Variants in INTS1 observed in about 807,000 individuals in gnomAD.
INTS1 encodes the protein integrator complex subunit 1.
Under a neutral mutation model 241.6 loss-of-function variants are expected in INTS1, and 137 were observed. The ratio of observed to expected loss-of-function variants is 0.57; its 90% CI spans 0.49 to 0.65. INTS1 has a LOEUF of 0.65. Among genes scored for constraint, INTS1 ranks in the 30% least tolerant of loss-of-function variants. The pLI is 0.00. For synonymous variants in INTS1, 1,692 were observed against 1,337.8 expected (o/e 1.26, Z -5.78); for missense variants, 3,073 against 3,032.2 (o/e 1.01, Z -0.32).
At chr7:1,494,153 TAC>T (rs1389569831) in intron 14 of INTS1, among the ~76,000 whole-genome samples, 3 of 152,252 alleles carry the variant, frequency 2.0e-5, no homozygotes, top group South Asian at 2.1e-4. Context: ...CCTTTGGGGA[TAC>T]ACACACAGTC....
Position 1,499,241 on chromosome 7 carries a change from A to T in INTS1, c.950+14T>A, listed in dbSNP as rs750005. 1.8e-5 allele frequency: 29 copies of T among 1,607,758 alleles called. No homozygotes were observed. The highest frequency in any genetic ancestry group is 2.2e-5 in the Non-Finnish European group (26 of 1,178,550). On this transcript the variant is annotated intron_variant, in intron 7 of 47. Transcript: ENST00000404767. ...CCGCCGCCCCCAACTGGGACCGGGCAGGCACGCAGCTACCTGGGCATGAGC... is the reference window on the plus strand; with the variant it reads ...CCGCCGCCCCCAACTGGGACCGGGCTGGCACGCAGCTACCTGGGCATGAGC...
rs1781456497 is a variant in INTS1, at chr7:1,471,279, G to A, written c.6256-55C>T. 31 of 1,505,928 alleles carry A rather than the reference G, an allele frequency of 2.1e-5. No individual in the cohort carries two copies. The South Asian group carries it at 3.7e-4, about 18-fold the overall frequency. 93.3% of individuals were successfully genotyped at this position (1,505,928 alleles called of 1,614,324 possible). On this transcript the variant is annotated intron_variant, in intron 45 of 47. Coordinates refer to ENST00000404767, the MANE Select transcript of INTS1 (RefSeq NM_001080453.3). ...ACCAAGGGGTCCAGCCCCCATCAAG[G>A]CCCCTTCACCTCTTGGTCTCGTGAT...
At chr7:1,473,790 C>G in intron 41 of INTS1, 97 bp from the exon 42 acceptor site, 1 of 1,483,240 alleles carries the variant, frequency 6.7e-7, no homozygotes, top group Non-Finnish European at 9.2e-7. Flanking sequence ...GGGCATGGAC[C>G]CCACAGCCAA....
At chr7:1,495,909 T>C (rs1259095410) in intron 12 of INTS1, among the ~76,000 whole-genome samples, 2 of 152,154 alleles carry the variant, frequency 1.3e-5, no homozygotes, top group Non-Finnish European at 2.9e-5. Context: ...AATGCCCCCA[T>C]GCTGGGCCAG....
chr7:1,491,140 G>A (rs971309807), intron 16 of INTS1, among the ~76,000 whole-genome samples: 4 of 152,242 alleles, frequency 2.6e-5, no homozygotes, highest in African/African-American at 7.2e-5. Context: ...AAAACGGGAG[G>A]AGGGCTTCGG....
Position 1,473,183 on chromosome 7 carries a change from C to T in INTS1, c.5959G>A (p.Asp1987Asn), listed in dbSNP as rs533859826. 35 of 1,606,740 alleles carry T rather than the reference C, an allele frequency of 2.2e-5. No individual in the cohort carries two copies. Among genetic ancestry groups the T allele is most frequent in the African/African-American group, 1.1e-4 (8 of 74,910 alleles). ...AGGTCACTGTTGTCGAAGGACAGGT[C>T]GCTGGGGAGAGAAGATGCTTTCACC... Reference protein sequence around the residue: ...FLQKHADPLHDLSFDNSDLVM... With the variant: ...FLQKHADPLHNLSFDNSDLVM... The change falls in exon 43 of 48, where the codon GAC (aspartate) becomes AAC (asparagine). Residue 1987 changes from aspartate to asparagine, a missense_variant and splice_region_variant. Transcript: ENST00000404767.
rs759082958 is a variant in INTS1, at chr7:1,494,820, G to A, written c.1906C>T (p.Arg636Cys). The A allele has an allele frequency of 1.2e-5, 19 of 1,562,726 alleles. No individual in the cohort carries two copies. The highest frequency in any genetic ancestry group is 2.4e-5 in the South Asian group (2 of 84,700). Reference protein sequence around the residue: ...KWDNWPPESDRNFFLRLCSEV... With the variant: ...KWDNWPPESDCNFFLRLCSEV... Reference sequence around the variant, plus strand: ...CCCAGGCGGCAGCGCACTCACTTGCGGTCACTCTCGGGTGGCCAGTTGTCC... The same window carrying A: ...CCCAGGCGGCAGCGCACTCACTTGCAGTCACTCTCGGGTGGCCAGTTGTCC... Residue 636 changes from arginine (R) to cysteine (C), a missense_variant, in exon 14 of 48, where the codon CGC becomes TGC. Physicochemically the swap from Arg to Cys is radical, Grantham distance 180. Coordinates refer to ENST00000404767, the MANE Select transcript of INTS1 (RefSeq NM_001080453.3).
rs192053820 is a variant in INTS1 at position 1,484,866 on chromosome 7, T to A, written c.3261+232A>T. ...GGCCCTCCCACCCTCAATGCCTCCC[T>A]GTGGCCCAAGAAGCCGCCAGCCCAG... On this transcript the variant is annotated intron_variant, in intron 24 of 47. Coordinates refer to ENST00000404767, the MANE Select transcript of INTS1 (RefSeq NM_001080453.3). Among the ~76,000 whole-genome samples the A allele has an allele frequency of 1.1e-3, 160 of 152,256 alleles. 1 individual carries two copies. Among genetic ancestry groups the A allele is most frequent in the African/African-American group, 3.6e-3 (149 of 41,540 alleles).
Position 1,472,288 on chromosome 7 carries a change from C to A in INTS1, c.6169G>T (p.Gly2057Cys). 2.6e-6 allele frequency: 4 copies of A among 1,555,896 alleles called. No homozygotes were observed. The highest frequency in any genetic ancestry group is 2.6e-6 in the Non-Finnish European group (3 of 1,150,166). Residue 2057 changes from glycine (G) to cysteine (C), a missense_variant, in exon 44 of 48, where the codon GGC becomes TGC. Transcript: ENST00000404767. ...MAPYMKRLSR[G>C]QTVEDLLEVL... The stretch of plus-strand genomic sequence containing the variant: ...CCTGACTCACCCTCCACCGTTTGGC[C>A]CCGGGAAAGCCGTTTCATGTAGGGG...
intron 12 of INTS1, 90 bp downstream of exon 12, chr7:1,496,066 A>T: frequency 1.0e-6 from 1 of 977,472 alleles, no homozygotes; most frequent in Non-Finnish European, 1.6e-6. Flanking sequence ...CCGGGCGCTC[A>T]GGGGACAGTG....
intron 16 of INTS1, among the ~76,000 whole-genome samples, chr7:1,491,716 T>C (rs1782555720): frequency 6.6e-6 from 1 of 152,082 alleles, no homozygotes; most frequent in Non-Finnish European, 1.5e-5. Context: ...GCCTGGGCAA[T>C]AAAGTGAGGC....
In INTS1 at chr7:1,487,262, G is replaced by A. The variant is rs917964152; in HGVS notation, c.2646+58C>T. 1.9e-5 allele frequency: 29 copies of A among 1,545,820 alleles called. No homozygotes were observed. In the Middle Eastern group the frequency reaches 5.0e-4, roughly 27 times the overall value. On this transcript the variant is annotated intron_variant, in intron 20 of 47. Coordinates refer to ENST00000404767, the MANE Select transcript of INTS1 (RefSeq NM_001080453.3). Reference sequence around the variant, plus strand: ...CCCTCTTCTGGCCACCAAGGCCTCCGGAAGGTTCCGGGCCTCCCAAGACCA... The same window carrying A: ...CCCTCTTCTGGCCACCAAGGCCTCCAGAAGGTTCCGGGCCTCCCAAGACCA...
chr7:1,488,028 G>C, intron 18 of INTS1, 71 bp from the exon 19 acceptor site: 1 of 1,509,720 alleles, frequency 6.6e-7, no homozygotes, highest in Non-Finnish European at 9.2e-7. Flanking sequence ...CCACGCTCAG[G>C]GTCAAGGAGG....
rs557803848 is a variant in INTS1 at position 1,498,286 on chromosome 7, C to A, written c.1425+126G>T. The stretch of plus-strand genomic sequence containing the variant: ...CACGTGAGTTTCAAAAGCTCCTTCC[C>A]GAGACCGAGGAGCATTCTCCCACGA... On this transcript the variant is annotated intron_variant, in intron 10 of 47. Transcript: ENST00000404767. 4.2e-6 allele frequency: 6 copies of A among 1,430,160 alleles called. No homozygotes were observed. The East Asian group carries it at 1.5e-4, about 36-fold the overall frequency. The allele number at this position is 1,430,160 out of a possible 1,614,324, so 88.6% of individuals were successfully genotyped here. A position where few individuals can be genotyped will look rare whatever the true frequency, so the allele number is the denominator to read the frequency against.
chr7:1,477,041 C>T, intron 35 of INTS1, 123 bp from the exon 36 acceptor site: 1 of 1,229,044 alleles, frequency 8.1e-7, no homozygotes, highest in Non-Finnish European at 1.1e-6. Flanking sequence ...CTGCCGGTAA[C>T]ACCGGCCCCG....
At chr7:1,488,765 GC>G (rs1782402394) in intron 18 of INTS1, among the ~76,000 whole-genome samples, 1 of 152,198 alleles carries the variant, frequency 6.6e-6, no homozygotes, top group Non-Finnish European at 1.5e-5. Context: ...TGGCCCCAGA[GC>G]TCATCGGCCC....
intron 40 of INTS1, among the ~76,000 whole-genome samples, 160 bp from the exon 41 acceptor site, chr7:1,474,520 G>T (rs1781622767): frequency 6.6e-6 from 1 of 152,212 alleles, no homozygotes; most frequent in Non-Finnish European, 1.5e-5. Context: ...CCCTCTCTGA[G>T]GCCCACCCAG....
rs772198530 is a variant in INTS1 at position 1,487,686 on chromosome 7, C to T, written c.2516+74G>A. 6 of 1,555,536 alleles carry T rather than the reference C, an allele frequency of 3.9e-6. No individual in the cohort carries two copies. In the East Asian group the frequency reaches 1.1e-4, roughly 29 times the overall value. On this transcript the variant is annotated intron_variant, in intron 19 of 47. Coordinates refer to ENST00000404767, the MANE Select transcript of INTS1 (RefSeq NM_001080453.3). ...CGGTCGGCTCCGCCTGCTCCTTCAG[C>T]CTCTGTCCCACCCACACCAACCACC...
chr7:1,486,846 G>C (rs1562502587), intron 21 of INTS1, 72 bp from the exon 22 acceptor site: 24 of 1,594,972 alleles, frequency 1.5e-5, no homozygotes. Context: ...TGCGCGGCTG[G>C]TGGGCTCAGG....
Sources: allele counts gnomAD v4.1 joint callset (sites outside exome capture counted in the v4.1 genomes callset), GRCh38; gene constraint gnomAD v4.1.1; transcripts MANE v1.5; gene names NCBI Gene and HGNC (gene_info 2026-07-23, HGNC 2026-07-21).